The following PDE11A variants were observed in gnomAD, a reference collection of about 807,000 sequenced individuals.
PDE11A encodes the protein phosphodiesterase 11A.
Under a neutral mutation model 100.5 loss-of-function variants are expected in PDE11A, and 100 were observed. The ratio of observed to expected loss-of-function variants is 1.00; its 90% CI spans 0.85 to 1.18. The LOEUF is 1.18. Among genes scored for constraint, PDE11A ranks in the 50% most tolerant of loss-of-function variants. The pLI is 0.00. For missense variants in PDE11A, 1,141 were observed against 1,152.6 expected (o/e 0.99, Z 0.15); for synonymous variants, 381 against 420.8 (o/e 0.91, Z 1.16).
At chr2:178,014,803 A>G (rs570247461) in intron 1 of PDE11A, among the ~76,000 whole-genome samples, 20 of 152,298 alleles carry the variant, frequency 1.3e-4, no homozygotes, top group African/African-American at 4.6e-4. Flanking sequence ...TAAGAAACTT[A>G]CATGAGAAAT....
rs138026464 is a variant in PDE11A at position 178,071,963 on chromosome 2, G to A, written c.475C>T (p.Arg159Trp). ...GTGGGGGGCAGGGAGCTTGCCTTCCGGAGAAGTGCCCTCCGTCGTACACTA... is the reference window on the plus strand; with the variant it reads ...GTGGGGGGCAGGGAGCTTGCCTTCCAGAGAAGTGCCCTCCGTCGTACACTA... ...LSSVRRRALL[R>W]KASSLPPTTA... is the part of the protein sequence containing the mutation. Residue 159 changes from arginine (R) to tryptophan (W), a missense_variant, in exon 1 of 20, where the codon CGG (arginine) becomes TGG (tryptophan). Arg to Trp is a moderately radical substitution (Grantham distance 101, BLOSUM62 -3). Transcript: ENST00000286063. 1.9e-6 allele frequency: 3 copies of A among 1,613,950 alleles called. No individual in the cohort carries two copies. The highest frequency in any genetic ancestry group is 2.7e-5 in the African/African-American group (2 of 74,920).
chr2:178,008,896 G>A (rs1257097723), intron 2 of PDE11A, among the ~76,000 whole-genome samples: 1 of 152,210 alleles, frequency 6.6e-6, no homozygotes, highest in Non-Finnish European at 1.5e-5. Flanking sequence ...TGAATCATGA[G>A]CTGAAGAGAG....
chr2:177,951,764 G>C (rs765308091), intron 2 of PDE11A, among the ~76,000 whole-genome samples: 21 of 152,142 alleles, frequency 1.4e-4, no homozygotes, highest in Non-Finnish European at 2.6e-4. Flanking sequence ...AAGCTTACCT[G>C]ACAGTAAACC....
chr2:177,969,072 G>A (rs1030394550), intron 2 of PDE11A, among the ~76,000 whole-genome samples: 1 of 152,144 alleles, frequency 6.6e-6, no homozygotes, highest in Non-Finnish European at 1.5e-5. Flanking sequence ...TATACACCAT[G>A]GAATACTATG....
chr2:177,956,609 A>G (rs1260298538), intron 2 of PDE11A, among the ~76,000 whole-genome samples: 1 of 152,138 alleles, frequency 6.6e-6, no homozygotes, highest in Non-Finnish European at 1.5e-5. Flanking sequence ...ACACATGCAC[A>G]CGTATGTTTA....
chr2:178,050,349 A>C (rs550242273), intron 1 of PDE11A, among the ~76,000 whole-genome samples: 2 of 152,324 alleles, frequency 1.3e-5, no homozygotes, highest in Admixed American at 1.3e-4. Flanking sequence ...CCCCATATGT[A>C]CATCACCATC....
intron 3 of PDE11A, 85 bp downstream of exon 3, chr2:177,905,013 A>G: frequency 1.3e-6 from 1 of 793,196 alleles, no homozygotes; most frequent in Admixed American, 1.7e-5. Flanking sequence ...AAGATCATTC[A>G]TTGGCTGTTT....
intron 10 of PDE11A, among the ~76,000 whole-genome samples, chr2:177,759,100 G>T (rs996219820): frequency 6.6e-6 from 1 of 151,778 alleles, no homozygotes; most frequent in Non-Finnish European, 1.5e-5. Flanking sequence ...ACAATGAATT[G>T]CCATGAGATC....
intron 10 of PDE11A, among the ~76,000 whole-genome samples, chr2:177,740,706 C>A (rs2081859493): frequency 6.6e-6 from 1 of 152,240 alleles, no homozygotes; most frequent in African/African-American, 2.4e-5. Context: ...TGCAGCACAG[C>A]ATGGAATTAT....
intron 5 of PDE11A, among the ~76,000 whole-genome samples, chr2:177,865,108 A>G (rs747746891): frequency 6.6e-6 from 1 of 152,106 alleles, no homozygotes; most frequent in Non-Finnish European, 1.5e-5. Context: ...GCAAAACCCA[A>G]TCTCTACTAA....
chr2:177,820,000 A>G (rs1035700990), intron 7 of PDE11A, among the ~76,000 whole-genome samples: 1 of 151,546 alleles, frequency 6.6e-6, no homozygotes. Flanking sequence ...TACGACTTTA[A>G]AATTTATTGG....
intron 15 of PDE11A, among the ~76,000 whole-genome samples, chr2:177,684,019 TTACTGCCA>T (rs1271863774): frequency 6.6e-6 from 1 of 152,208 alleles, no homozygotes; most frequent in Admixed American, 6.5e-5. Context: ...ATTAATACTA[TTACTGCCA>T]ACAATAATAC....
intron 19 of PDE11A, among the ~76,000 whole-genome samples, chr2:177,657,321 T>A (rs962870180): frequency 6.6e-6 from 1 of 152,236 alleles, no homozygotes; most frequent in African/African-American, 2.4e-5. Flanking sequence ...TGAATGGTGA[T>A]GCCTGGGGCT....
intron 5 of PDE11A, among the ~76,000 whole-genome samples, chr2:177,849,105 C>A (rs1007906930): frequency 6.6e-6 from 1 of 152,102 alleles, no homozygotes; most frequent in Non-Finnish European, 1.5e-5. Flanking sequence ...AGGAGTGAGC[C>A]AAATCTTGCA....
intron 9 of PDE11A, among the ~76,000 whole-genome samples, chr2:177,815,455 C>T (rs192001218): frequency 1.9e-4 from 29 of 152,230 alleles, no homozygotes; most frequent in African/African-American, 6.5e-4. Context: ...CTTATAGATA[C>T]TGTTTTTAGT....
chr2:177,934,615 C>T (rs938840669), intron 2 of PDE11A, among the ~76,000 whole-genome samples: 2 of 152,178 alleles, frequency 1.3e-5, no homozygotes, highest in African/African-American at 4.8e-5. Context: ...TACAATTCAA[C>T]CCAGCAATCC....
chr2:177,696,742 T>C (rs16865651), intron 15 of PDE11A, among the ~76,000 whole-genome samples: 2,666 of 152,194 alleles, frequency 0.018, 76 homozygotes, highest in African/African-American at 0.06. Context: ...GCTTTGGTCT[T>C]TAAGATAGGA....
intron 2 of PDE11A, among the ~76,000 whole-genome samples, chr2:178,082,495 G>A (rs2087300046): frequency 6.6e-6 from 1 of 152,088 alleles, no homozygotes; most frequent in Admixed American, 6.6e-5. Context: ...GACATGCTGG[G>A]AAGCATAGTC....
chr2:177,936,348 C>T (rs3108453), intron 2 of PDE11A, among the ~76,000 whole-genome samples: 53,414 of 151,984 alleles, frequency 0.35, 11,126 homozygotes, highest in East Asian at 0.53. Flanking sequence ...TCACATTCTG[C>T]GAGTGACACC....
Sources: allele counts gnomAD v4.1 joint callset (sites outside exome capture counted in the v4.1 genomes callset), GRCh38; gene constraint gnomAD v4.1.1; transcripts MANE v1.5; gene names NCBI Gene and HGNC (gene_info 2026-07-23, HGNC 2026-07-21).